MYO3B: variants seen among roughly 807,000 people sequenced by gnomAD.
The protein encoded by MYO3B is myosin IIIB.
A neutral mutation model predicts 174.6 loss-of-function variants in MYO3B; 156 were observed. The ratio of observed to expected loss-of-function variants is 0.89; its 90% CI spans 0.78 to 1.02. MYO3B has a LOEUF of 1.02. Among genes scored for constraint, MYO3B ranks in the 50% least tolerant of loss-of-function variants. MYO3B has a pLI of 0.00. For synonymous variants in MYO3B, 563 were observed against 569.1 expected (o/e 0.99, Z 0.15); for missense variants, 1,632 against 1,639.4 (o/e 1.00, Z 0.08).
chr2:170,334,175 C>T (rs1344209009), intron 7 of MYO3B: 1 of 152,158 alleles, frequency 6.6e-6, no homozygotes, highest in African/African-American at 2.4e-5. Flanking sequence ...CATGTCTCCC[C>T]TCTTTTAAGG....
chr2:170,440,035 A>G (rs1462745626), intron 22 of MYO3B, among the ~76,000 whole-genome samples: 2 of 152,186 alleles, frequency 1.3e-5, no homozygotes, highest in Non-Finnish European at 2.9e-5. Flanking sequence ...ATTTTTGTGT[A>G]TGGTATAAGG....
intron 8 of MYO3B, among the ~76,000 whole-genome samples, chr2:170,354,729 G>A (rs1174649635): frequency 2.0e-5 from 3 of 152,074 alleles, no homozygotes; most frequent in African/African-American, 7.2e-5. Context: ...TAAAGGCTTG[G>A]TTGCCTGAGT....
intron 7 of MYO3B, among the ~76,000 whole-genome samples, chr2:170,327,692 T>C (rs1414081275): frequency 6.6e-6 from 1 of 152,076 alleles, no homozygotes; most frequent in Non-Finnish European, 1.5e-5. Context: ...GCACTTAGCA[T>C]GGATATCTTT....
chr2:170,479,450 A>AT (rs1299252973), intron 25 of MYO3B, among the ~76,000 whole-genome samples: 1 of 146,046 alleles, frequency 6.8e-6, no homozygotes, highest in Non-Finnish European at 1.5e-5. Flanking sequence ...TAAAATATAG[A>AT]TTTTATATAT....
chr2:170,599,909 A>G (rs572346222), intron 32 of MYO3B, among the ~76,000 whole-genome samples: 1 of 152,306 alleles, frequency 6.6e-6, no homozygotes, highest in South Asian at 2.1e-4. Context: ...TAGATTTAAT[A>G]CAAATATCCT....
intron 25 of MYO3B, among the ~76,000 whole-genome samples, chr2:170,481,182 A>G (rs1386610832): frequency 2.6e-5 from 4 of 152,220 alleles, no homozygotes; most frequent in African/African-American, 9.7e-5. Context: ...CCAGGACATC[A>G]TTAGACTTCT....
At chr2:170,205,957 A>G (rs2092709931) in intron 3 of MYO3B, among the ~76,000 whole-genome samples, 1 of 152,094 alleles carries the variant, frequency 6.6e-6, no homozygotes, top group Non-Finnish European at 1.5e-5. Flanking sequence ...TATATATTAT[A>G]TGGGTAGTAT....
intron 23 of MYO3B, among the ~76,000 whole-genome samples, chr2:170,452,237 A>G (rs1026666705): frequency 2.1e-4 from 32 of 152,194 alleles, no homozygotes; most frequent in African/African-American, 7.5e-4. Context: ...AAAACCAAAC[A>G]AAGCCTTAGA....
At chr2:170,297,902 G>C (rs1281554020) in intron 7 of MYO3B, among the ~76,000 whole-genome samples, 1 of 152,120 alleles carries the variant, frequency 6.6e-6, no homozygotes, top group African/African-American at 2.4e-5. Context: ...GGGAATTCTG[G>C]TCTATCACAG....
intron 1 of MYO3B, among the ~76,000 whole-genome samples, chr2:170,192,685 A>G (rs2092555300): frequency 6.6e-6 from 1 of 151,428 alleles, no homozygotes; most frequent in Non-Finnish European, 1.5e-5. Context: ...TAAAACGTTT[A>G]ATTCTATAAC....
chr2:170,577,389 G>A (rs561873782), intron 32 of MYO3B, among the ~76,000 whole-genome samples: 1 of 152,258 alleles, frequency 6.6e-6, no homozygotes, highest in East Asian at 1.9e-4. Context: ...TACCTGGCAG[G>A]CACTCAATAA....
In MYO3B at chr2:170,496,872, C is replaced by T. The variant is rs142646460; in HGVS notation, c.3015-1720C>T. On this transcript the variant is annotated intron_variant, in intron 25 of 34. Transcript: ENST00000408978. Reference sequence around the variant, plus strand: ...CGAACTCTTGGGCTTAAGTGATCCTCCCACTTTGGCCTCTCAAAGTACTGG... The same window carrying T: ...CGAACTCTTGGGCTTAAGTGATCCTTCCACTTTGGCCTCTCAAAGTACTGG... 2.1e-3 allele frequency among the ~76,000 whole-genome samples: 324 copies of T among 152,140 alleles called. 1 individual carries two copies. The highest frequency in any genetic ancestry group is 7.4e-3 in the African/African-American group (307 of 41,500).
chr2:170,581,231 A>G (rs1312556095), intron 32 of MYO3B, among the ~76,000 whole-genome samples: 1 of 152,196 alleles, frequency 6.6e-6, no homozygotes, highest in Non-Finnish European at 1.5e-5. Context: ...AACACAAATG[A>G]CATATCGCTT....
At chr2:170,307,412 A>C (rs2093708112) in intron 7 of MYO3B, among the ~76,000 whole-genome samples, 1 of 152,242 alleles carries the variant, frequency 6.6e-6, no homozygotes, top group Non-Finnish European at 1.5e-5. Context: ...TGAGAAAATT[A>C]AAATGCTCTG....
At chr2:170,394,824 A>C (rs2094434840) in intron 16 of MYO3B, among the ~76,000 whole-genome samples, 1 of 152,246 alleles carries the variant, frequency 6.6e-6, no homozygotes, top group Non-Finnish European at 1.5e-5. Flanking sequence ...TTATAAACTC[A>C]AAAAGTAGTG....
At chr2:170,193,249 GT>G (rs2092561175) in intron 1 of MYO3B, among the ~76,000 whole-genome samples, 1 of 151,966 alleles carries the variant, frequency 6.6e-6, no homozygotes, top group Non-Finnish European at 1.5e-5. Flanking sequence ...ATATAGAATA[GT>G]ATCTGGTGCC....
At chr2:170,387,510 C>T (rs771367173) in intron 14 of MYO3B, among the ~76,000 whole-genome samples, 36 of 151,972 alleles carry the variant, frequency 2.4e-4, no homozygotes, top group African/African-American at 2.7e-4. Context: ...CTGGGGTGGG[C>T]GTGCTTTAGG....
chr2:170,338,964 C>G (rs2093961860), intron 8 of MYO3B, among the ~76,000 whole-genome samples: 1 of 152,162 alleles, frequency 6.6e-6, no homozygotes, highest in African/African-American at 2.4e-5. Context: ...CATTACTCAG[C>G]CTATCAAATG....
At chr2:170,254,093 A>G (rs1045386983) in intron 7 of MYO3B, among the ~76,000 whole-genome samples, 1 of 152,168 alleles carries the variant, frequency 6.6e-6, no homozygotes, top group Non-Finnish European at 1.5e-5. Context: ...GGAGTCACTG[A>G]GCACCACGAC....
Sources: gnomAD v4.1 joint callset for allele counts (sites outside exome capture counted in the v4.1 genomes callset) on GRCh38, gnomAD v4.1.1 for gene constraint, MANE v1.5 for transcripts, NCBI Gene and HGNC (gene_info 2026-07-23, HGNC 2026-07-21) for gene names.